LIN7B: variants seen among roughly 807,000 people sequenced by gnomAD.
LIN7B encodes the protein lin-7 cell polarity scaffold B.
In LIN7B, 16 loss-of-function variants were observed where a neutral mutation model predicts 27.9. The ratio of observed to expected loss-of-function variants is 0.57; its 90% confidence interval spans 0.39 to 0.87. The LOEUF is 0.87. LIN7B is among the 40% of genes least tolerant of loss of function. The pLI, the probability that LIN7B is intolerant of heterozygous loss-of-function variation, is 0.00. For synonymous variants in LIN7B, 147 were observed against 120.8 expected (o/e 1.22, Z -1.42); for missense variants, 291 against 288.5 (o/e 1.01, Z -0.06).
chr19:49,115,015 C>G lies in LIN7B; in HGVS notation c.156+48C>G, dbSNP rs754312915. The G allele has an allele frequency of 2.5e-6, 3 of 1,176,810 alleles. No homozygotes were observed. In the East Asian group the frequency reaches 8.8e-5, roughly 35 times the overall value. The allele number at this position is 1,176,810 out of a possible 1,614,324, so 72.9% of individuals were successfully genotyped here. A position where few individuals can be genotyped will look rare whatever the true frequency, so the allele number is the denominator to read the frequency against. The stretch of plus-strand genomic sequence containing the variant: ...GCGCGAGCTGGTGGCCGTCGTCCTC[C>G]TCCTCCTCCTCCTGCTTGTCCCGAG... On this transcript the variant is annotated intron_variant, in intron 2 of 5. Coordinates refer to ENST00000221459, the MANE Select transcript of LIN7B (RefSeq NM_022165.3).
intron 5 of LIN7B, 116 bp downstream of exon 5, chr19:49,118,134 CTGACCCT>C (rs1053409553): frequency 4.0e-6 from 6 of 1,507,350 alleles, no homozygotes; most frequent in African/African-American, 2.8e-5. Flanking sequence ...CTCTGGGATC[CTGACCCT>C]TGACCCTTGG....
chr19:49,115,023 CCT>C, intron 2 of LIN7B, 56 bp downstream of exon 2: 1 of 1,177,170 alleles, frequency 8.5e-7, no homozygotes, highest in South Asian at 1.8e-5. Flanking sequence ...TCCTCCTCCT[CCT>C]CCTGCTTGTC....
intron 1 of LIN7B, 149 bp downstream of exon 1, chr19:49,114,590 T>C (rs529319660): frequency 1.4e-5 from 8 of 578,312 alleles, no homozygotes; most frequent in South Asian, 8.8e-5. Flanking sequence ...GGGCGGTCGC[T>C]AGGTGTGGGA....
chr19:49,115,530 G>A, intron 3 of LIN7B, 199 bp downstream of exon 3: 1 of 575,658 alleles, frequency 1.7e-6, no homozygotes, highest in Non-Finnish European at 3.1e-6. Context: ...AATGGAAACA[G>A]TATGGCATGG....
intron 5 of LIN7B, 126 bp downstream of exon 5, chr19:49,118,144 A>C (rs2040865608): frequency 6.8e-7 from 1 of 1,476,016 alleles, no homozygotes; most frequent in African/African-American, 1.4e-5. Flanking sequence ...CTGACCCTTG[A>C]CCCTTGGCCC....
intron 5 of LIN7B, 151 bp downstream of exon 5, chr19:49,118,169 G>T: frequency 7.2e-7 from 1 of 1,388,148 alleles, no homozygotes; most frequent in Non-Finnish European, 9.9e-7. Flanking sequence ...TCTCACCCCA[G>T]GCTAGTTTGG....
chr19:49,117,256 A>C lies in LIN7B; in HGVS notation c.439-599A>C, dbSNP rs1034721559. Among the ~76,000 whole-genome samples the C allele has an allele frequency of 8.6e-4, 125 of 146,132 alleles. 4 individuals carry two copies. The highest frequency in any genetic ancestry group is 1.5e-3 in the Non-Finnish European group (98 of 66,276). ...GTGAGACTCCCTCTCAAAAAAAAAA[A>C]AAAAAAACAAAACTCACTGTGGTTA... On this transcript the variant is annotated intron_variant, in intron 4 of 5. Coordinates refer to ENST00000221459, the MANE Select transcript of LIN7B (RefSeq NM_022165.3).
Position 49,114,920 on chromosome 19 carries a change from G to T in LIN7B, c.109G>T (p.Ala37Ser), listed in dbSNP as rs752780299. Residue 37 changes from alanine (A) to serine (S), a missense_variant, in exon 2 of 6, where the codon GCC (alanine) becomes TCC (serine). Ala to Ser is a moderately conservative substitution (Grantham distance 99). Transcript: ENST00000221459. ...GGAGCTGCCGCCGCAGAAGCTGCAG[G>T]CCCTCCAGCGAGTTCTGCAGAGCCG... ...SGELPPQKLQ[A>S]LQRVLQSRFC... The T allele has an allele frequency of 1.4e-6, 2 of 1,471,244 alleles. No individual in the cohort carries two copies. Among genetic ancestry groups the T allele is most frequent in the Non-Finnish European group, 1.8e-6 (2 of 1,112,428 alleles). The allele number at this position is 1,471,244 out of a possible 1,614,324, so 91.1% of individuals were successfully genotyped here.
intron 1 of LIN7B, 48 bp from the exon 2 acceptor site, chr19:49,114,801 C>T (rs896344691): frequency 2.6e-6 from 3 of 1,149,646 alleles, no homozygotes; most frequent in African/African-American, 3.2e-5. Flanking sequence ...CTCTGCGTCT[C>T]GGGGTCTCTG....
At chr19:49,115,410 T>C (rs2040809585) in intron 3 of LIN7B, 79 bp downstream of exon 3, 1 of 1,262,626 alleles carries the variant, frequency 7.9e-7, no homozygotes, top group Non-Finnish European at 1.1e-6. Context: ...GCCAGTCATT[T>C]CTGTTTCCTC....
Position 49,117,856 on chromosome 19 carries a change from G to T in LIN7B, c.440G>T (p.Ser147Ile), listed in dbSNP as rs1042095644. 1.2e-6 allele frequency: 2 copies of T among 1,613,700 alleles called. No individual in the cohort carries two copies. The highest frequency in any genetic ancestry group is 2.7e-5 in the African/African-American group (2 of 74,880). ...AGCTGTCTGTGTTGGGCCCTGCAGAGCGTTGAGGGTGAGCAGCATGAGAAG... is the reference window on the plus strand; with the variant it reads ...AGCTGTCTGTGTTGGGCCCTGCAGATCGTTGAGGGTGAGCAGCATGAGAAG... ...GDQLLSVNGV[S>I]VEGEQHEKAV... The change falls in exon 5 of 6, where the codon AGC becomes ATC. Residue 147 changes from serine (S) to isoleucine (I), a missense_variant and splice_region_variant. Physicochemically the swap from Ser to Ile is moderately radical, Grantham distance 142 (BLOSUM62 -2). Transcript: ENST00000221459.
chr19:49,115,171 G>C (rs1031339653), intron 2 of LIN7B, 89 bp from the exon 3 acceptor site: 28 of 1,177,802 alleles, frequency 2.4e-5, no homozygotes, highest in East Asian at 2.0e-4. Context: ...ATCCTTGCGT[G>C]GTAGCGGGAG....
intron 3 of LIN7B, chr19:49,116,029 G>T: frequency 6.9e-6 from 3 of 435,886 alleles, no homozygotes; most frequent in Non-Finnish European, 1.2e-5. Context: ...AAAAAAGTAA[G>T]ATTGGCAAGT....
At chr19:49,115,529 A>T in intron 3 of LIN7B, 198 bp downstream of exon 3, 1 of 578,544 alleles carries the variant, frequency 1.7e-6, no homozygotes, top group Non-Finnish European at 3.1e-6. Context: ...AAATGGAAAC[A>T]GTATGGCATG....
chr19:49,117,744 T>C, intron 4 of LIN7B, 111 bp from the exon 5 acceptor site: 2 of 903,066 alleles, frequency 2.2e-6, no homozygotes, highest in South Asian at 1.5e-5. Flanking sequence ...ACATGAGGCA[T>C]TGACATCTCA....
At chr19:49,116,097 A>G in intron 3 of LIN7B, 166 bp from the exon 4 acceptor site, 1 of 593,520 alleles carries the variant, frequency 1.7e-6, no homozygotes. Flanking sequence ...GAACAGAAAG[A>G]GACGCACAGT....
intron 3 of LIN7B, chr19:49,115,616 A>G: frequency 6.4e-6 from 2 of 311,440 alleles, no homozygotes; most frequent in Non-Finnish European, 1.2e-5. Flanking sequence ...TCACTGCACA[A>G]TAGTTAGATG....
At chr19:49,116,756 A>G (rs540438746) in intron 4 of LIN7B, among the ~76,000 whole-genome samples, 1 of 152,338 alleles carries the variant, frequency 6.6e-6, no homozygotes, top group Non-Finnish European at 1.5e-5. Context: ...AGGCCAGCAT[A>G]GATACAGGAA....
At chr19:49,114,822 T>C (rs192149215) in intron 1 of LIN7B, 27 bp from the exon 2 acceptor site, 8 of 1,342,824 alleles carry the variant, frequency 6.0e-6, no homozygotes, top group Non-Finnish European at 7.8e-6. Flanking sequence ...ACACTCGGGG[T>C]TTCTGCGCCC....
Sources: gnomAD v4.1 joint callset for allele counts (sites outside exome capture counted in the v4.1 genomes callset) on GRCh38, gnomAD v4.1.1 for gene constraint, MANE v1.5 for transcripts, NCBI Gene and HGNC (gene_info 2026-07-23, HGNC 2026-07-21) for gene names.